The following CUL5 variants were observed in gnomAD, a reference collection of about 807,000 sequenced individuals.
CUL5 encodes the protein cullin 5.
A neutral mutation model predicts 108.8 loss-of-function variants in CUL5; 26 were observed. The observed-to-expected ratio is 0.24, with a 90% confidence interval of 0.18 to 0.33. The LOEUF (loss-of-function observed/expected upper bound fraction) is 0.33. Among genes scored for constraint, CUL5 ranks in the 10% least tolerant of loss-of-function variants. The probability of loss-of-function intolerance (pLI) is 1.00; values close to 1 mark genes in which losing one functional copy is unlikely to be tolerated. For missense variants in CUL5, 524 were observed against 909.2 expected (o/e 0.58, Z 5.45); for synonymous variants, 334 against 298.0 (o/e 1.12, Z -1.25).
At chr11:108,086,098 A>C (rs573780119) in intron 11 of CUL5, among the ~76,000 whole-genome samples, 17 of 152,214 alleles carry the variant, frequency 1.1e-4, no homozygotes, top group African/African-American at 4.1e-4. Flanking sequence ...AGAGCATAGA[A>C]AAGAGGGTAT....
In CUL5 at chr11:108,020,545, T is replaced by G. The variant is rs112657026; in HGVS notation, c.24+11173T>G. ...CTGAATGTGTTTGTGATTTTTTTTT[T>G]TTTGTTTTTTGTTTAAAATAGAGAC... On this transcript the variant is annotated intron_variant, in intron 1 of 18. Coordinates refer to ENST00000393094, the MANE Select transcript of CUL5 (RefSeq NM_003478.6). Among the ~76,000 whole-genome samples, 335 of 148,478 alleles carry G rather than the reference T, an allele frequency of 2.3e-3. 2 individuals carry two copies. Among genetic ancestry groups the G allele is most frequent in the African/African-American group, 7.7e-3 (305 of 39,856 alleles).
intron 3 of CUL5, among the ~76,000 whole-genome samples, chr11:108,048,141 C>A (rs1476667875): frequency 1.4e-5 from 2 of 146,346 alleles, no homozygotes; most frequent in Non-Finnish European, 3.0e-5. Flanking sequence ...TTTCATGAAT[C>A]ATTTTACTTA....
chr11:108,009,228 C>T lies in CUL5; in HGVS notation c.-121C>T. On this transcript the variant is annotated 5_prime_UTR_variant, in exon 1 of 19. Transcript: ENST00000393094. ...TGTCGGCGCGCTGCTCCAGCGCCCA[C>T]CACACCCTGGTGCGGGCCGACGGGC... The T allele has an allele frequency of 9.4e-7, 1 of 1,068,692 alleles. No homozygotes were observed. Among genetic ancestry groups the T allele is most frequent in the Non-Finnish European group, 1.4e-6 (1 of 713,474 alleles). The allele number at this position is 1,068,692 out of a possible 1,614,324, so 66.2% of individuals were successfully genotyped here. A position where few individuals can be genotyped will look rare whatever the true frequency, so the allele number is the denominator to read the frequency against.
chr11:108,104,164 G>A lies in CUL5; in HGVS notation c.2149-26G>A, dbSNP rs377423629. 166 of 1,439,754 alleles carry A rather than the reference G, an allele frequency of 1.2e-4. 1 individual carries two copies. Among genetic ancestry groups the A allele is most frequent in the South Asian group, 5.7e-4 (44 of 77,818 alleles). The allele number at this position is 1,439,754 out of a possible 1,614,324, so 89.2% of individuals were successfully genotyped here. On this transcript the variant is annotated intron_variant, in intron 18 of 18. Transcript: ENST00000393094. ...TTAAAATAATTTCGTATATTAATGC[G>A]CTTTTATTTTTATTTTTTCTTTTAG...
chr11:108,068,666 G>T (rs1198102616), intron 7 of CUL5, among the ~76,000 whole-genome samples: 1 of 152,058 alleles, frequency 6.6e-6, no homozygotes, highest in Admixed American at 6.6e-5. Flanking sequence ...AAATATATCA[G>T]CCTTATTGTA....
At position 108,061,816 on chromosome 11, in the gene CUL5, A is replaced by G. The variant is rs148551653; in HGVS notation, c.780+6861A>G. Among the ~76,000 whole-genome samples the G allele has an allele frequency of 3.3e-3, 498 of 152,318 alleles. 2 individuals carry two copies. The highest frequency in any genetic ancestry group is 9.3e-3 in the South Asian group (45 of 4,832). Reference sequence around the variant, plus strand: ...AGAGGTTTAGTTGAACCAGTTCCACATGGCCTGGGAGTCCTCAGGAAACTT... The same window carrying G: ...AGAGGTTTAGTTGAACCAGTTCCACGTGGCCTGGGAGTCCTCAGGAAACTT... On this transcript the variant is annotated intron_variant, in intron 7 of 18. Coordinates refer to ENST00000393094, the MANE Select transcript of CUL5 (RefSeq NM_003478.6).
At chr11:108,056,385 A>G (rs1262092781) in intron 7 of CUL5, among the ~76,000 whole-genome samples, 2 of 152,054 alleles carry the variant, frequency 1.3e-5, no homozygotes, top group African/African-American at 4.8e-5. Context: ...GTCCATCTTA[A>G]GTGGTAGTCG....
At chr11:108,069,968 A>C in intron 7 of CUL5, 128 bp from the exon 8 acceptor site, 1 of 537,628 alleles carries the variant, frequency 1.9e-6, no homozygotes, top group Non-Finnish European at 3.3e-6. Flanking sequence ...TCCTATAGTT[A>C]AGGTAAGTGA....
intron 2 of CUL5, 103 bp from the exon 3 acceptor site, chr11:108,046,167 G>C (rs182586556): frequency 1.4e-6 from 1 of 720,326 alleles, no homozygotes; most frequent in African/African-American, 1.8e-5. Context: ...CATTTACTTG[G>C]TTCTAATATG....
At chr11:108,102,691 C>G (rs376620084) in intron 18 of CUL5, among the ~76,000 whole-genome samples, 10 of 152,202 alleles carry the variant, frequency 6.6e-5, no homozygotes, top group African/African-American at 2.4e-4. Context: ...TAGTGCCTGA[C>G]TCCCAAGTCT....
chr11:108,041,387 C>G (rs1048241274), intron 2 of CUL5, among the ~76,000 whole-genome samples: 1 of 151,258 alleles, frequency 6.6e-6, no homozygotes, highest in Non-Finnish European at 1.5e-5. Flanking sequence ...AAGCGATTCT[C>G]CTGCCTCAGC....
At chr11:108,055,681 A>G (rs1175940084) in intron 7 of CUL5, among the ~76,000 whole-genome samples, 3 of 151,060 alleles carry the variant, frequency 2.0e-5, no homozygotes, top group African/African-American at 7.3e-5. Context: ...CCCAGGCTGG[A>G]GTGCAGTGGT....
At chr11:108,031,404 G>A (rs1386033767) in intron 1 of CUL5, among the ~76,000 whole-genome samples, 1 of 151,818 alleles carries the variant, frequency 6.6e-6, no homozygotes, top group African/African-American at 2.4e-5. Flanking sequence ...AGGGTGTTTG[G>A]TGCTGGTGTA....
chr11:108,099,786 A>C (rs1017819876), intron 18 of CUL5, among the ~76,000 whole-genome samples: 4 of 152,172 alleles, frequency 2.6e-5, no homozygotes, highest in African/African-American at 7.2e-5. Context: ...TAGTTCTGCC[A>C]GTTCTAGGTT....
intron 17 of CUL5, 66 bp from the exon 18 acceptor site, chr11:108,098,337 CATT>C: frequency 7.4e-7 from 1 of 1,345,662 alleles, no homozygotes; most frequent in Non-Finnish European, 1.0e-6. Flanking sequence ...TTCTCTCAGA[CATT>C]GTTGCTATAA....
chr11:108,018,724 C>T (rs947090439), intron 1 of CUL5, among the ~76,000 whole-genome samples: 5 of 151,938 alleles, frequency 3.3e-5, no homozygotes, highest in African/African-American at 1.2e-4. Context: ...TAATGTGGCA[C>T]CCGCACACAT....
At chr11:108,018,020 C>A (rs59000049) in intron 1 of CUL5, among the ~76,000 whole-genome samples, 41 of 152,240 alleles carry the variant, frequency 2.7e-4, no homozygotes, top group African/African-American at 8.7e-4. Flanking sequence ...TCTTAAAAGT[C>A]TGGTTATTCC....
intron 10 of CUL5, among the ~76,000 whole-genome samples, chr11:108,077,847 G>C (rs940012960): frequency 6.6e-6 from 1 of 151,920 alleles, no homozygotes; most frequent in African/African-American, 2.4e-5. Flanking sequence ...CAGGAGGCCA[G>C]CTAAGACAGG....
intron 2 of CUL5, among the ~76,000 whole-genome samples, chr11:108,044,289 G>T (rs1243967080): frequency 2.0e-5 from 3 of 152,146 alleles, no homozygotes; most frequent in African/African-American, 7.2e-5. Flanking sequence ...GCTGAGGCGG[G>T]TGGATCACTT....
Sources: gnomAD v4.1 joint callset for allele counts (sites outside exome capture counted in the v4.1 genomes callset) on GRCh38, gnomAD v4.1.1 for gene constraint, MANE v1.5 for transcripts, NCBI Gene and HGNC (gene_info 2026-07-23, HGNC 2026-07-21) for gene names.